Variants in DDX39B observed in about 807,000 individuals in gnomAD.
DDX39B encodes the protein DExD-box helicase 39B, also known as spliceosome RNA helicase DDX39B.
Under a neutral mutation model 46.4 loss-of-function variants are expected in DDX39B, and 6 were observed. The ratio of observed to expected loss-of-function variants is 0.13; its 90% CI spans 0.07 to 0.26. The LOEUF is 0.26. Among genes scored for constraint, DDX39B ranks in the 10% least tolerant of loss-of-function variants. The probability of loss-of-function intolerance (pLI) is 1.00; values close to 1 mark genes in which losing one functional copy is unlikely to be tolerated. For synonymous variants in DDX39B, 174 were observed against 199.4 expected (o/e 0.87, Z 1.07); for missense variants, 185 against 553.4 (o/e 0.33, Z 6.68).
At chr6:31,533,021 G>A in intron 6 of DDX39B, 110 bp from the exon 7 acceptor site, 1 of 631,100 alleles carries the variant, frequency 1.6e-6, no homozygotes, top group Non-Finnish European at 2.9e-6. Context: ...GGATGGGGAG[G>A]AAAGAGAAGA....
At chr6:31,541,782 C>A (rs1768504598) in intron 1 of DDX39B, 168 bp downstream of exon 1, 1 of 660,524 alleles carries the variant, frequency 1.5e-6, no homozygotes, top group South Asian at 1.5e-5. Context: ...CCTTCCTTCC[C>A]CCAGGAGCTC....
At chr6:31,538,631 T>C (rs529838098) in intron 4 of DDX39B, 132 bp downstream of exon 4, 79 of 770,380 alleles carry the variant, frequency 1.0e-4, no homozygotes, top group African/African-American at 4.5e-4. Context: ...TCCTGTTACA[T>C]AGGAACTCAA....
rs3830668 is a variant in DDX39B at position 31,535,105 on chromosome 6, ATGT to A, written c.735+259_735+261del. On this transcript the variant is annotated intron_variant, in intron 6 of 10. Transcript: ENST00000396172. The surrounding 1 kb of genome is among the most constrained non-coding windows in gnomAD (Gnocchi z 4.6). ...CCCCAAAGGGAGAAGAGGTTCAAAAATGTTGTGATTTATGAAAAAGTCGAACAC... is the reference window on the plus strand; with the variant it reads ...CCCCAAAGGGAGAAGAGGTTCAAAAATGTGATTTATGAAAAAGTCGAACAC... 0.048 allele frequency: 26,145 copies of A among 544,822 alleles called. 1,972 individuals carry two copies. The highest frequency in any genetic ancestry group is 0.29 in the East Asian group (9,234 of 32,194). The allele number at this position is 544,822 out of a possible 1,614,324, so 33.7% of individuals were successfully genotyped here.
At chr6:31,536,741 C>G in intron 4 of DDX39B, 58 bp from the exon 5 acceptor site, 2 of 1,581,186 alleles carry the variant, frequency 1.3e-6, no homozygotes, top group Non-Finnish European at 1.7e-6. Context: ...CCAATCCCCC[C>G]AGGGTTCCCA....
rs774746998 is a variant in DDX39B at position 31,531,289 on chromosome 6, A to C, written c.977+7T>G. ...GACACAAAATATCTTTCCCATCTTC[A>C]GCTCACCTCTCCTCCTGGGGCATCC... On this transcript the variant is annotated splice_region_variant and intron_variant, in intron 8 of 10. Coordinates refer to ENST00000396172, the MANE Select transcript of DDX39B (RefSeq NM_004640.7). This position sits in a 1 kb window ranked among gnomAD's most constrained non-coding sequence, Gnocchi z 5.8. The C allele has an allele frequency of 2.5e-6, 4 of 1,613,974 alleles. No homozygotes were observed. Among genetic ancestry groups the C allele is most frequent in the Non-Finnish European group, 2.5e-6 (3 of 1,180,028 alleles).
At chr6:31,537,630 C>G (rs896214298) in intron 4 of DDX39B, among the ~76,000 whole-genome samples, 1 of 152,182 alleles carries the variant, frequency 6.6e-6, no homozygotes, top group Non-Finnish European at 1.5e-5. Context: ...GTTTGGGGAT[C>G]TGGGCCTTGG....
chr6:31,540,274 T>G (rs886243615), intron 2 of DDX39B, 48 bp downstream of exon 2: 1 of 1,577,840 alleles, frequency 6.3e-7, no homozygotes, highest in Non-Finnish European at 8.7e-7. Flanking sequence ...CTTTGTATTG[T>G]ACCCTTAAAG....
At position 31,535,476 on chromosome 6, in the gene DDX39B, C is replaced by T; in HGVS notation, c.626G>A (p.Arg209Gln). ...DKMLEQLDMRRDVQEIFRMTP... is the reference protein window; with the variant it reads ...DKMLEQLDMRQDVQEIFRMTP... ...CATGCGAAAAATTTCCTGGACATCCCGACGCATGTCTACAAGAACAAGGAA... is the reference window on the plus strand; with the variant it reads ...CATGCGAAAAATTTCCTGGACATCCTGACGCATGTCTACAAGAACAAGGAA... Residue 209 changes from arginine (R) to glutamine (Q), a missense_variant, in exon 6 of 11, where the codon CGG becomes CAG. By Grantham distance (43) the Arg-to-Gln change is conservative (BLOSUM62 1). Transcript: ENST00000396172. This position sits in a 1 kb window ranked among gnomAD's most constrained non-coding sequence, Gnocchi z 4.6. The T allele has an allele frequency of 1.2e-6, 2 of 1,611,674 alleles. No homozygotes were observed. The highest frequency in any genetic ancestry group is 2.2e-5 in the East Asian group (1 of 44,834).
Position 31,535,297 on chromosome 6 carries a change from G to A in DDX39B, c.735+70C>T. On this transcript the variant is annotated intron_variant, in intron 6 of 10. Coordinates refer to ENST00000396172, the MANE Select transcript of DDX39B (RefSeq NM_004640.7). The surrounding 1 kb of genome is among the most constrained non-coding windows in gnomAD (Gnocchi z 4.6). ...GCACTTGAATGACAAGGGAGTCTGAGGAAGAGGGCGAGGAAGGGGAGGAGG... is the reference window on the plus strand; with the variant it reads ...GCACTTGAATGACAAGGGAGTCTGAAGAAGAGGGCGAGGAAGGGGAGGAGG... 6.9e-7 allele frequency: 1 copy of A among 1,455,684 alleles called. No homozygotes were observed. The highest frequency in any genetic ancestry group is 9.6e-7 in the Non-Finnish European group (1 of 1,036,784). The allele number at this position is 1,455,684 out of a possible 1,614,324, so 90.2% of individuals were successfully genotyped here. A position where few individuals can be genotyped will look rare whatever the true frequency, so the allele number is the denominator to read the frequency against.
At chr6:31,537,961 G>C (rs1767971346) in intron 4 of DDX39B, among the ~76,000 whole-genome samples, 1 of 152,116 alleles carries the variant, frequency 6.6e-6, no homozygotes, top group Non-Finnish European at 1.5e-5. Context: ...CTTGAACGTG[G>C]GAGGCGCAGG....
chr6:31,541,516 G>C (rs1270663574), intron 1 of DDX39B: 3 of 402,272 alleles, frequency 7.5e-6, no homozygotes, highest in East Asian at 7.2e-5. Flanking sequence ...GGCAAGTCAA[G>C]GTGAGAAAAA....
At position 31,530,755 on chromosome 6, in the gene DDX39B, G is replaced by C. The variant is rs758532644; in HGVS notation, c.1270+24C>G. On this transcript the variant is annotated intron_variant, in intron 10 of 10. Coordinates refer to ENST00000396172, the MANE Select transcript of DDX39B (RefSeq NM_004640.7). The surrounding 1 kb of genome is among the most constrained non-coding windows in gnomAD (Gnocchi z 4.5). ...CACTAAGGAACAGGGAGGACCTAAAGGGTTTCATGAGATCAGTACTCACTG... is the reference window on the plus strand; with the variant it reads ...CACTAAGGAACAGGGAGGACCTAAACGGTTTCATGAGATCAGTACTCACTG... 1.2e-6 allele frequency: 2 copies of C among 1,607,476 alleles called. No homozygotes were observed. The highest frequency in any genetic ancestry group is 1.7e-6 in the Non-Finnish European group (2 of 1,178,260).
At position 31,531,712 on chromosome 6, in the gene DDX39B, CT is replaced by C. The variant is rs1187888409; in HGVS notation, c.868-308del. ...AGTGATAAAAAACTAGAATTAAGATCTGGAGGGGTAACTGATATTCCTGCTC... is the reference window on the plus strand; with the variant it reads ...AGTGATAAAAAACTAGAATTAAGATCGGAGGGGTAACTGATATTCCTGCTC... On this transcript the variant is annotated intron_variant, in intron 7 of 10. Coordinates refer to ENST00000396172, the MANE Select transcript of DDX39B (RefSeq NM_004640.7). The surrounding 1 kb of genome is among the most constrained non-coding windows in gnomAD (Gnocchi z 5.8). 3 of 391,700 alleles carry C rather than the reference CT, an allele frequency of 7.7e-6. No individual in the cohort carries two copies. The highest frequency in any genetic ancestry group is 4.2e-5 in the Admixed American group (1 of 23,976). The allele number at this position is 391,700 out of a possible 1,614,324, so 24.3% of individuals were successfully genotyped here.
Position 31,531,767 on chromosome 6 carries a change from C to T in DDX39B, c.868-362G>A, listed in dbSNP as rs1767194063. ...AAAACATTAAACCTAAGGGAGCTAT[C>T]CTAATTCTAGAAAGCAGTTTTAAAT... is the stretch of plus-strand genomic sequence containing the variant. On this transcript the variant is annotated intron_variant, in intron 7 of 10. Coordinates refer to ENST00000396172, the MANE Select transcript of DDX39B (RefSeq NM_004640.7). This position sits in a 1 kb window ranked among gnomAD's most constrained non-coding sequence, Gnocchi z 5.8. The T allele has an allele frequency of 4.0e-6, 1 of 249,914 alleles. No individual in the cohort carries two copies. 15.5% of individuals were successfully genotyped at this position (249,914 alleles called of 1,614,324 possible). A position where few individuals can be genotyped will look rare whatever the true frequency, so the allele number is the denominator to read the frequency against.
Position 31,530,704 on chromosome 6 carries a change from C to G in DDX39B, c.1270+75G>C. On this transcript the variant is annotated intron_variant, in intron 10 of 10. Transcript: ENST00000396172. The surrounding 1 kb of genome is among the most constrained non-coding windows in gnomAD (Gnocchi z 4.5). ...CCATTATGCATCAGATGCCCATGACCTATGTGATGGGATTTCGGACAAACA... is the reference window on the plus strand; with the variant it reads ...CCATTATGCATCAGATGCCCATGACGTATGTGATGGGATTTCGGACAAACA... 2 of 1,549,006 alleles carry G rather than the reference C, an allele frequency of 1.3e-6. No individual in the cohort carries two copies. Among genetic ancestry groups the G allele is most frequent in the East Asian group, 4.5e-5 (2 of 44,330 alleles).
intron 7 of DDX39B, among the ~76,000 whole-genome samples, chr6:31,532,048 T>G (rs1393392071): frequency 6.6e-6 from 1 of 152,146 alleles, no homozygotes; most frequent in Non-Finnish European, 1.5e-5. Flanking sequence ...CCCAGGCTGG[T>G]CTTGAAGTCC....
At position 31,530,951 on chromosome 6, in the gene DDX39B, TG is replaced by T. The variant is rs751128762; in HGVS notation, c.1123-26del. 17 of 1,613,794 alleles carry T rather than the reference TG, an allele frequency of 1.1e-5. No homozygotes were observed. The highest frequency in any genetic ancestry group is 1.4e-5 in the Non-Finnish European group (17 of 1,179,870). On this transcript the variant is annotated intron_variant, in intron 9 of 10. Transcript: ENST00000396172. The surrounding 1 kb of genome is among the most constrained non-coding windows in gnomAD (Gnocchi z 4.5). ...CCTGGAGGGAGACAGAGGGTAGCACTGGAAGACCGAAGAGGAAAGAGACCCA... is the reference window on the plus strand; with the variant it reads ...CCTGGAGGGAGACAGAGGGTAGCACTGAAGACCGAAGAGGAAAGAGACCCA...
Position 31,530,697 on chromosome 6 carries a change from C to A in DDX39B, c.1270+82G>T. The A allele has an allele frequency of 6.4e-7, 1 of 1,553,080 alleles. No individual in the cohort carries two copies. The highest frequency in any genetic ancestry group is 8.7e-7 in the Non-Finnish European group (1 of 1,142,996). On this transcript the variant is annotated intron_variant, in intron 10 of 10. Coordinates refer to ENST00000396172, the MANE Select transcript of DDX39B (RefSeq NM_004640.7). The surrounding 1 kb of genome is among the most constrained non-coding windows in gnomAD (Gnocchi z 4.5). ...CAAGTGTCCATTATGCATCAGATGC[C>A]CATGACCTATGTGATGGGATTTCGG...
chr6:31,534,405 G>C lies in DDX39B; in HGVS notation c.735+962C>G. The C allele has an allele frequency of 2.2e-6, 1 of 457,288 alleles. No homozygotes were observed. Among genetic ancestry groups the C allele is most frequent in the Non-Finnish European group, 4.5e-6 (1 of 222,338 alleles). The allele number at this position is 457,288 out of a possible 1,614,324, so 28.3% of individuals were successfully genotyped here. A position where few individuals can be genotyped will look rare whatever the true frequency, so the allele number is the denominator to read the frequency against. ...CACGGGAAGGAACACTGCAGGGAGG[G>C]GAAGAACACACTCCACTGCTTATGC... On this transcript the variant is annotated intron_variant, in intron 6 of 10. Coordinates refer to ENST00000396172, the MANE Select transcript of DDX39B (RefSeq NM_004640.7). This position sits in a 1 kb window ranked among gnomAD's most constrained non-coding sequence, Gnocchi z 5.1.
Sources: gnomAD v4.1 joint callset for allele counts (sites outside exome capture counted in the v4.1 genomes callset) on GRCh38, gnomAD v4.1.1 for gene constraint, Gnocchi (gnomAD v3.1) non-coding constraint, MANE v1.5 for transcripts, NCBI Gene and HGNC (gene_info 2026-07-23, HGNC 2026-07-21) for gene names.